The following TAFA4 variants were observed in gnomAD, a reference collection of about 807,000 sequenced individuals.
TAFA4 encodes chemokine-like protein TAFA-4.
In TAFA4, 20 loss-of-function variants were observed where a neutral mutation model predicts 21.1. The ratio of observed to expected loss-of-function variants is 0.95; its 90% CI spans 0.67 to 1.38. The LOEUF (loss-of-function observed/expected upper bound fraction) is 1.38. TAFA4 is among the 40% of genes most tolerant of loss of function. The probability of loss-of-function intolerance (pLI) is 0.00; values close to 1 mark genes in which losing one functional copy is unlikely to be tolerated. For missense variants in TAFA4, 211 were observed against 180.9 expected, an observed-to-expected ratio of 1.17 and a Z score of -0.95; for synonymous variants, 71 against 67.4, an observed-to-expected ratio of 1.05 and a Z score of -0.26.
At chr3:68,740,219 T>C (rs867397036) in intron 4 of TAFA4, among the ~76,000 whole-genome samples, 1 of 152,180 alleles carries the variant, frequency 6.6e-6, no homozygotes, top group East Asian at 1.9e-4. Context: ...TTTGAGCCAG[T>C]CACAATAGTC....
Position 68,794,999 on chromosome 3 carries a change from A to G in TAFA4, c.131-41981T>C, listed in dbSNP as rs1421077509. Reference sequence around the variant, plus strand: ...TGTTTTTGAATCAGATTTGTGTCTCAATACACACACACACACACACACACA... The same window carrying G: ...TGTTTTTGAATCAGATTTGTGTCTCGATACACACACACACACACACACACA... On this transcript the variant is annotated intron_variant, in intron 3 of 5. Transcript: ENST00000295569. 1.5e-4 allele frequency among the ~76,000 whole-genome samples: 10 copies of G among 66,394 alleles called. No individual in the cohort carries two copies. The East Asian group carries it at 3.1e-3, about 21-fold the overall frequency. The allele number at this position is 66,394 out of a possible 152,430, so 43.6% of individuals were successfully genotyped here.
At chr3:68,830,627 A>G (rs910799183) in intron 3 of TAFA4, among the ~76,000 whole-genome samples, 28 of 152,190 alleles carry the variant, frequency 1.8e-4, no homozygotes, top group South Asian at 8.3e-4. Context: ...CACTTTTGGA[A>G]TAAGTGAGAT....
chr3:68,891,793 C>T (rs17048119), intron 1 of TAFA4, among the ~76,000 whole-genome samples: 11,941 of 152,134 alleles, frequency 0.078, 519 homozygotes, highest in Middle Eastern at 0.16. Context: ...ATAGAAATCT[C>T]GAAGCAGAAC....
intron 3 of TAFA4, among the ~76,000 whole-genome samples, chr3:68,759,844 G>A (rs889383927): frequency 3.9e-5 from 6 of 152,254 alleles, no homozygotes; most frequent in Admixed American, 6.5e-5. Context: ...TCCTTTCAGT[G>A]GCTAAGCTAC....
chr3:68,772,860 C>T (rs1302074252), intron 3 of TAFA4, among the ~76,000 whole-genome samples: 1 of 152,298 alleles, frequency 6.6e-6, no homozygotes. Context: ...GTCAATCCAT[C>T]CATCCATCCA....
chr3:68,906,965 A>G (rs2089906752), intron 1 of TAFA4, among the ~76,000 whole-genome samples: 2 of 131,004 alleles, frequency 1.5e-5, no homozygotes, highest in African/African-American at 5.8e-5. Context: ...CGGGAGGTGG[A>G]GGCTGCAGTG....
chr3:68,863,331 T>C (rs554995371), intron 3 of TAFA4, among the ~76,000 whole-genome samples: 21 of 152,146 alleles, frequency 1.4e-4, no homozygotes, highest in Admixed American at 7.2e-4. Context: ...ATTTCAAAAA[T>C]GCATAAATGA....
At chr3:68,763,202 C>T (rs1702787100) in intron 3 of TAFA4, among the ~76,000 whole-genome samples, 1 of 152,096 alleles carries the variant, frequency 6.6e-6, no homozygotes, top group South Asian at 2.1e-4. Flanking sequence ...AAAGAGAGAC[C>T]TTTAGGAAAA....
chr3:68,901,646 G>T (rs2089844793), intron 1 of TAFA4, among the ~76,000 whole-genome samples: 1 of 152,112 alleles, frequency 6.6e-6, no homozygotes, highest in African/African-American at 2.4e-5. Context: ...TTGTCATATT[G>T]GACAGTACCG....
chr3:68,841,340 A>T lies in TAFA4; in HGVS notation c.130+39390T>A, dbSNP rs868619310. On this transcript the variant is annotated intron_variant, in intron 3 of 5. Coordinates refer to ENST00000295569, the MANE Select transcript of TAFA4 (RefSeq NM_182522.5). ...TCCGTCTCAAAAAAAAAAAAAATAAAAAAAAATAAAATCCACACACATTCT... is the reference window on the plus strand; with the variant it reads ...TCCGTCTCAAAAAAAAAAAAAATAATAAAAAATAAAATCCACACACATTCT... Among the ~76,000 whole-genome samples, 2 of 72,658 alleles carry T rather than the reference A, an allele frequency of 2.8e-5. 1 individual carries two copies. Among genetic ancestry groups the T allele is most frequent in the Non-Finnish European group, 7.4e-5 (2 of 27,184 alleles). 47.7% of individuals were successfully genotyped at this position (72,658 alleles called of 152,430 possible).
chr3:68,738,967 G>C (rs1559754192), intron 5 of TAFA4, 108 bp downstream of exon 5: 1 of 1,485,344 alleles, frequency 6.7e-7, no homozygotes, highest in Non-Finnish European at 9.1e-7. Context: ...TGCCCAAGCA[G>C]GTTTATTAAC....
intron 1 of TAFA4, among the ~76,000 whole-genome samples, chr3:68,894,147 G>T (rs2089760029): frequency 6.7e-6 from 1 of 149,482 alleles, no homozygotes; most frequent in Admixed American, 6.6e-5. Context: ...GGTTCTTCCT[G>T]TTACTTGTTA....
At chr3:68,883,199 A>T (rs2089636362) in intron 2 of TAFA4, 1 of 152,272 alleles carries the variant, frequency 6.6e-6, no homozygotes, top group Non-Finnish European at 1.5e-5. Context: ...GGGAAGGATC[A>T]CTTCCAAGTG....
At chr3:68,875,699 T>C (rs1342813872) in intron 3 of TAFA4, among the ~76,000 whole-genome samples, 1 of 152,078 alleles carries the variant, frequency 6.6e-6, no homozygotes, top group Non-Finnish European at 1.5e-5. Flanking sequence ...AGTTTGCTAG[T>C]GGGTAACTTT....
At chr3:68,832,851 G>A (rs1434417140) in intron 3 of TAFA4, among the ~76,000 whole-genome samples, 1 of 152,232 alleles carries the variant, frequency 6.6e-6, no homozygotes, top group African/African-American at 2.4e-5. Flanking sequence ...CCCAGTTCAA[G>A]CTTCCCCGAC....
At chr3:68,741,923 A>T (rs1195563007) in intron 4 of TAFA4, among the ~76,000 whole-genome samples, 1 of 152,242 alleles carries the variant, frequency 6.6e-6, no homozygotes, top group Non-Finnish European at 1.5e-5. Flanking sequence ...GGACACTACA[A>T]AAAAGAAAAT....
chr3:68,926,354 T>C (rs2090108115), intron 1 of TAFA4, among the ~76,000 whole-genome samples: 1 of 152,214 alleles, frequency 6.6e-6, no homozygotes. Context: ...TTCTTTTTTT[T>C]AACTTTCCTT....
At chr3:68,743,525 G>C (rs149447825) in intron 4 of TAFA4, among the ~76,000 whole-genome samples, 1 of 149,886 alleles carries the variant, frequency 6.7e-6, no homozygotes, top group Non-Finnish European at 1.5e-5. Flanking sequence ...GCAGTGAGCC[G>C]AGATCGCGCC....
intron 3 of TAFA4, among the ~76,000 whole-genome samples, chr3:68,855,301 C>A (rs1381893765): frequency 6.6e-6 from 1 of 152,154 alleles, no homozygotes; most frequent in Non-Finnish European, 1.5e-5. Flanking sequence ...TTGATTTATT[C>A]TTGTACTTTA....
Sources: gnomAD v4.1 joint callset for allele counts (sites outside exome capture counted in the v4.1 genomes callset) on GRCh38, gnomAD v4.1.1 for gene constraint, MANE v1.5 for transcripts, NCBI Gene and HGNC (gene_info 2026-07-23, HGNC 2026-07-21) for gene names.